RSRC2: variants seen among roughly 807,000 people sequenced by gnomAD.
The protein encoded by RSRC2 is arginine and serine rich coiled-coil 2.
Under a neutral mutation model 61.3 loss-of-function variants are expected in RSRC2, and 5 were observed. The ratio of observed to expected loss-of-function variants is 0.08; its 90% CI spans 0.04 to 0.17. The LOEUF (loss-of-function observed/expected upper bound fraction) is 0.17. Among genes scored for constraint, RSRC2 ranks in the 10% least tolerant of loss-of-function variants. The pLI, the probability that RSRC2 is intolerant of heterozygous loss-of-function variation, is 1.00. For synonymous variants in RSRC2, 202 were observed against 166.5 expected (o/e 1.21, Z -1.64); for missense variants, 381 against 518.8 (o/e 0.73, Z 2.58).
intron 3 of RSRC2, chr12:122,520,370 C>A (rs1305330636): frequency 7.9e-6 from 4 of 509,026 alleles, no homozygotes; most frequent in African/African-American, 4.1e-5. Flanking sequence ...GGTTAAACTT[C>A]TAAAGGTTTT....
chr12:122,505,495 A>G lies in RSRC2; in HGVS notation c.*32T>C, dbSNP rs1115154. The G allele has an allele frequency of 0.042, 66,577 of 1,600,884 alleles. 1,665 individuals carry two copies. Among genetic ancestry groups the G allele is most frequent in the South Asian group, 0.069 (6,220 of 89,794 alleles). ...GACGTGACATCAGAACAAGAAGTCT[A>G]TAAGTCCCAAACTTTACAAGTGTGA... On this transcript the variant is annotated 3_prime_UTR_variant, in exon 10 of 10. Coordinates refer to ENST00000331738, the MANE Select transcript of RSRC2 (RefSeq NM_023012.6).
chr12:122,511,673 G>GGAAA (rs1028444850), intron 6 of RSRC2, among the ~76,000 whole-genome samples: 10 of 152,130 alleles, frequency 6.6e-5, no homozygotes, highest in Non-Finnish European at 1.5e-4. Context: ...AAAAGGTCAA[G>GGAAA]CAAACCTTGC....
rs980155056 is a variant in RSRC2, at chr12:122,522,050, G to C, written c.163+93C>G. 3 of 1,318,118 alleles carry C rather than the reference G, an allele frequency of 2.3e-6. No homozygotes were observed. The African/African-American group carries it at 4.5e-5, about 20-fold the overall frequency. 81.7% of individuals were successfully genotyped at this position (1,318,118 alleles called of 1,614,324 possible). On this transcript the variant is annotated intron_variant, in intron 2 of 9. Coordinates refer to ENST00000331738, the MANE Select transcript of RSRC2 (RefSeq NM_023012.6). ...TTACAGGCTTGAGCCACCATGCCCA[G>C]CCAACAAACTAAATGTATGTGTCTT...
At chr12:122,513,901 G>T in intron 6 of RSRC2, 1 of 724,810 alleles carries the variant, frequency 1.4e-6, no homozygotes, top group Non-Finnish European at 1.7e-6. Context: ...AATTAGCCAG[G>T]CATGCCTGTG....
At position 122,518,829 on chromosome 12, in the gene RSRC2, C is replaced by T. The variant is rs757242723; in HGVS notation, c.398+10G>A. On this transcript the variant is annotated intron_variant, in intron 4 of 9. Coordinates refer to ENST00000331738, the MANE Select transcript of RSRC2 (RefSeq NM_023012.6). ...TAGAAGGTACTACATTATAATACAACATGACTTACCTTTCACGAGACCTAG... is the reference window on the plus strand; with the variant it reads ...TAGAAGGTACTACATTATAATACAATATGACTTACCTTTCACGAGACCTAG... 4 of 1,607,384 alleles carry T rather than the reference C, an allele frequency of 2.5e-6. No individual in the cohort carries two copies. The highest frequency in any genetic ancestry group is 3.4e-6 in the Non-Finnish European group (4 of 1,174,018).
intron 3 of RSRC2, chr12:122,520,404 T>A (rs1033759299): frequency 1.4e-6 from 1 of 697,812 alleles, no homozygotes; most frequent in Non-Finnish European, 2.3e-6. Context: ...AACCAGTTTT[T>A]CAAACATAAC....
intron 1 of RSRC2, among the ~76,000 whole-genome samples, chr12:122,525,321 A>G (rs1012274626): frequency 1.3e-5 from 2 of 152,170 alleles, no homozygotes; most frequent in Non-Finnish European, 2.9e-5. Context: ...GGTTGCAGTG[A>G]GCCAAGATCG....
intron 1 of RSRC2, among the ~76,000 whole-genome samples, chr12:122,524,706 G>A (rs1420289226): frequency 6.6e-6 from 1 of 152,142 alleles, no homozygotes; most frequent in Non-Finnish European, 1.5e-5. Context: ...TGAGGCCATG[G>A]AAAACTTTTA....
chr12:122,515,415 C>T (rs1292966830), intron 5 of RSRC2, among the ~76,000 whole-genome samples, 188 bp from the exon 6 acceptor site: 1 of 152,160 alleles, frequency 6.6e-6, no homozygotes, highest in Non-Finnish European at 1.5e-5. Flanking sequence ...ACTCCCTCAT[C>T]CCTTTTTAAG....
At chr12:122,515,295 A>C in intron 5 of RSRC2, 68 bp from the exon 6 acceptor site, 1 of 1,486,962 alleles carries the variant, frequency 6.7e-7, no homozygotes, top group Non-Finnish European at 9.2e-7. Context: ...ATAAGAAATC[A>C]ATTAGTTCAA....
In RSRC2 at chr12:122,505,365, C is replaced by A. The variant is rs879391149; in HGVS notation, c.*162G>T. 2.8e-5 allele frequency: 16 copies of A among 576,136 alleles called. No homozygotes were observed. Among genetic ancestry groups the A allele is most frequent in the Non-Finnish European group, 4.5e-5 (15 of 334,854 alleles). 35.7% of individuals were successfully genotyped at this position (576,136 alleles called of 1,614,324 possible). On this transcript the variant is annotated 3_prime_UTR_variant, in exon 10 of 10. Coordinates refer to ENST00000331738, the MANE Select transcript of RSRC2 (RefSeq NM_023012.6). Reference sequence around the variant, plus strand: ...GGGTTTAACCTGATTACAACACTAACACCAGTATCACTGATCTGATATTTA... The same window carrying A: ...GGGTTTAACCTGATTACAACACTAAAACCAGTATCACTGATCTGATATTTA...
intron 7 of RSRC2, among the ~76,000 whole-genome samples, chr12:122,509,771 T>C (rs1375333904): frequency 6.6e-6 from 1 of 152,168 alleles, no homozygotes; most frequent in African/African-American, 2.4e-5. Context: ...CAAAAAACCA[T>C]CTTCCAGATT....
chr12:122,519,509 TAC>T (rs1340720987), intron 3 of RSRC2: 1 of 158,192 alleles, frequency 6.3e-6, no homozygotes, highest in South Asian at 1.8e-4. Flanking sequence ...CAAATTATTT[TAC>T]ACAGAGATGC....
At chr12:122,519,130 C>T in intron 3 of RSRC2, 101 bp from the exon 4 acceptor site, 1 of 853,732 alleles carries the variant, frequency 1.2e-6, no homozygotes, top group South Asian at 1.6e-5. Context: ...CATTAGTAAC[C>T]TTAGGAGTGT....
chr12:122,509,931 C>T (rs890850527), intron 7 of RSRC2, among the ~76,000 whole-genome samples: 4 of 152,040 alleles, frequency 2.6e-5, no homozygotes, highest in Admixed American at 1.3e-4. Flanking sequence ...CTCTACCTCC[C>T]GAGTTCAAGC....
In RSRC2 at chr12:122,526,674, C is replaced by T. The variant is rs528694577; in HGVS notation, c.6+174G>A. Among the ~76,000 whole-genome samples the T allele has an allele frequency of 2.0e-5, 3 of 152,026 alleles. No homozygotes were observed. In the South Asian group the frequency reaches 6.2e-4, roughly 32 times the overall value. ...CTGCGGCTCCCCACCCCCACCAACA[C>T]CGCCTTACTTCCCCCTCCCTACAGC... On this transcript the variant is annotated intron_variant, in intron 1 of 9. Transcript: ENST00000331738.
At chr12:122,523,532 CAA>C (rs2137556262) in intron 1 of RSRC2, 1 of 152,242 alleles carries the variant, frequency 6.6e-6, no homozygotes, top group South Asian at 2.1e-4. Flanking sequence ...CCCACAAAGC[CAA>C]AAATATTTAC....
chr12:122,508,514 T>A, intron 7 of RSRC2, 67 bp from the exon 8 acceptor site: 2 of 1,221,750 alleles, frequency 1.6e-6, no homozygotes, highest in African/African-American at 1.5e-5. Context: ...TGATTTACAT[T>A]AACGAACGAT....
chr12:122,507,885 C>CA, intron 8 of RSRC2: 2 of 371,972 alleles, frequency 5.4e-6, no homozygotes, highest in East Asian at 6.7e-5. Context: ...TATGTAGGCT[C>CA]TGCATCCCAG....
Sources: gnomAD v4.1 joint callset for allele counts (sites outside exome capture counted in the v4.1 genomes callset) on GRCh38, gnomAD v4.1.1 for gene constraint, MANE v1.5 for transcripts, NCBI Gene and HGNC (gene_info 2026-07-23, HGNC 2026-07-21) for gene names.